ADAM22: variants seen among roughly 807,000 people sequenced by gnomAD.
The protein encoded by ADAM22 is disintegrin and metalloproteinase domain-containing protein 22.
A neutral mutation model predicts 144.6 loss-of-function variants in ADAM22; 65 were observed. That is an observed-to-expected ratio of 0.45 (90% CI 0.37 to 0.55). ADAM22 has a LOEUF of 0.55. Ranked by LOEUF, ADAM22 falls within the 20% of genes least tolerant of loss-of-function variation. The pLI, the probability that ADAM22 is intolerant of heterozygous loss-of-function variation, is 0.00. For missense variants in ADAM22, 974 were observed against 1,184.9 expected (o/e 0.82, Z 2.61); for synonymous variants, 391 against 412.6 (o/e 0.95, Z 0.63).
At chr7:88,123,120 A>G (rs532640239) in intron 7 of ADAM22, among the ~76,000 whole-genome samples, 66 of 152,224 alleles carry the variant, frequency 4.3e-4, no homozygotes, top group African/African-American at 9.9e-4. Context: ...ATGGGCCCCA[A>G]TTGGTTATGG....
intron 31 of ADAM22, 138 bp from the exon 32 acceptor site, chr7:88,196,333 C>T: frequency 2.0e-6 from 2 of 980,016 alleles, no homozygotes; most frequent in Non-Finnish European, 3.2e-6. Context: ...ATTCTATCCA[C>T]TTTTTAGACT....
chr7:88,020,841 A>T (rs1797674483), intron 3 of ADAM22, among the ~76,000 whole-genome samples: 1 of 152,200 alleles, frequency 6.6e-6, no homozygotes, highest in Non-Finnish European at 1.5e-5. Flanking sequence ...GGGGTAAGAG[A>T]ACCCCAATGG....
intron 3 of ADAM22, among the ~76,000 whole-genome samples, chr7:88,033,795 A>G (rs564695287): frequency 2.4e-4 from 36 of 152,230 alleles, no homozygotes; most frequent in African/African-American, 8.2e-4. Flanking sequence ...GCCTTTCCAC[A>G]GGCAGAGGAT....
At position 88,048,287 on chromosome 7, in the gene ADAM22, T is replaced by G. The variant is rs181434646; in HGVS notation, c.324-27339T>G. Among the ~76,000 whole-genome samples, 5 of 152,318 alleles carry G rather than the reference T, an allele frequency of 3.3e-5. No homozygotes were observed. The East Asian group carries it at 5.8e-4, about 18-fold the overall frequency. ...AACTTCTTAGTGGATAGTTAGATTG[T>G]TTCTAGTATTTTGCTGTTATTATAT... On this transcript the variant is annotated intron_variant, in intron 3 of 31. Transcript: ENST00000413139.
intron 30 of ADAM22, among the ~76,000 whole-genome samples, chr7:88,190,585 C>A (rs1849399486): frequency 1.3e-5 from 2 of 152,142 alleles, no homozygotes; most frequent in East Asian, 3.9e-4. Context: ...TGACTTGTAT[C>A]CAATGATGCA....
intron 3 of ADAM22, among the ~76,000 whole-genome samples, chr7:88,061,070 C>A (rs573624473): frequency 6.6e-4 from 100 of 152,106 alleles, no homozygotes; most frequent in Non-Finnish European, 1.2e-3. Flanking sequence ...CACCACTGCA[C>A]TCCAGCCTGG....
At chr7:88,147,562 T>A (rs994939959) in intron 17 of ADAM22, among the ~76,000 whole-genome samples, 6 of 152,212 alleles carry the variant, frequency 3.9e-5, no homozygotes, top group African/African-American at 1.4e-4. Context: ...ATCAGTGAAG[T>A]TTGACCCATG....
At chr7:88,069,205 C>G (rs933999737) in intron 3 of ADAM22, among the ~76,000 whole-genome samples, 6 of 151,836 alleles carry the variant, frequency 4.0e-5, no homozygotes, top group African/African-American at 1.2e-4. Context: ...TCCTTCCTCC[C>G]TATGTTTCTC....
At chr7:87,974,058 G>A (rs557835458) in intron 2 of ADAM22, among the ~76,000 whole-genome samples, 50 of 150,688 alleles carry the variant, frequency 3.3e-4, no homozygotes, top group African/African-American at 1.2e-3. Flanking sequence ...TGCACGTTGT[G>A]CACATGTACC....
chr7:88,077,603 G>A (rs1362593137), intron 4 of ADAM22, among the ~76,000 whole-genome samples: 1 of 152,234 alleles, frequency 6.6e-6, no homozygotes, highest in Non-Finnish European at 1.5e-5. Context: ...GTCAAAGAAA[G>A]GGGTGACAGA....
intron 8 of ADAM22, among the ~76,000 whole-genome samples, chr7:88,126,879 A>G (rs1423176854): frequency 6.6e-6 from 1 of 151,946 alleles, no homozygotes; most frequent in Non-Finnish European, 1.5e-5. Context: ...GACATTGAGC[A>G]TAAGAGGATC....
intron 8 of ADAM22, 60 bp downstream of exon 8, chr7:88,125,719 T>G: frequency 7.4e-7 from 1 of 1,359,748 alleles, no homozygotes; most frequent in Non-Finnish European, 1.0e-6. Context: ...GCCAGTCATT[T>G]GAATCTACAG....
chr7:88,114,698 G>C, intron 6 of ADAM22, 51 bp downstream of exon 6: 1 of 1,548,572 alleles, frequency 6.5e-7, no homozygotes, highest in Non-Finnish European at 8.8e-7. Context: ...TATGCTGAGA[G>C]CTTTTTTCCT....
chr7:88,178,230 C>G (rs1178214837), intron 26 of ADAM22, among the ~76,000 whole-genome samples: 1 of 152,124 alleles, frequency 6.6e-6, no homozygotes, highest in Non-Finnish European at 1.5e-5. Flanking sequence ...CCACCAACTA[C>G]CTATAAATAT....
At chr7:87,981,531 G>A (rs1159729867) in intron 3 of ADAM22, among the ~76,000 whole-genome samples, 3 of 152,132 alleles carry the variant, frequency 2.0e-5, no homozygotes, top group Non-Finnish European at 1.5e-5. Context: ...AAGAATGGGA[G>A]GTGGTGTGGG....
chr7:87,976,068 A>T (rs1008331206), intron 2 of ADAM22, among the ~76,000 whole-genome samples: 2 of 152,140 alleles, frequency 1.3e-5, no homozygotes, highest in Admixed American at 1.3e-4. Flanking sequence ...CATCCAGGGG[A>T]TTGATAACAA....
At chr7:88,122,435 G>A (rs1057189420) in intron 7 of ADAM22, among the ~76,000 whole-genome samples, 1 of 152,182 alleles carries the variant, frequency 6.6e-6, no homozygotes. Context: ...GTACCAGGAG[G>A]TGGAGACTAT....
At chr7:88,075,535 G>C in intron 3 of ADAM22, 91 bp from the exon 4 acceptor site, 1 of 1,091,844 alleles carries the variant, frequency 9.2e-7, no homozygotes, top group Non-Finnish European at 1.4e-6. Flanking sequence ...TTAAAGAATT[G>C]TTAAAGCAGA....
chr7:88,035,287 C>T (rs182035481), intron 3 of ADAM22, among the ~76,000 whole-genome samples: 30 of 152,312 alleles, frequency 2.0e-4, no homozygotes, highest in African/African-American at 6.7e-4. Context: ...ATATACAAAT[C>T]CAAGAGAAAG....
Sources: gnomAD v4.1 joint callset for allele counts (sites outside exome capture counted in the v4.1 genomes callset) on GRCh38, gnomAD v4.1.1 for gene constraint, MANE v1.5 for transcripts, NCBI Gene and HGNC (gene_info 2026-07-23, HGNC 2026-07-21) for gene names.